Variants in LTBP1 observed in about 807,000 individuals in gnomAD.
The protein encoded by LTBP1 is latent transforming growth factor beta binding protein 1.
In LTBP1, 129 loss-of-function variants were observed where a neutral mutation model predicts 207.6. The ratio of observed to expected loss-of-function variants is 0.62; its 90% CI spans 0.54 to 0.72. LTBP1 has a LOEUF of 0.72. LTBP1 is among the 30% of genes least tolerant of loss of function. The pLI is 0.00. For synonymous variants in LTBP1, 963 were observed against 833.7 expected (o/e 1.16, Z -2.67); for missense variants, 2,281 against 2,217.2 (o/e 1.03, Z -0.58).
At chr2:33,247,426 A>C (rs879657900) in intron 10 of LTBP1, among the ~76,000 whole-genome samples, 1 of 152,228 alleles carries the variant, frequency 6.6e-6, no homozygotes, top group African/African-American at 2.4e-5. Context: ...TTAGGGTTCT[A>C]GATCAGGAGT....
At position 33,001,708 on chromosome 2, in the gene LTBP1, A is replaced by G. The variant is rs150910506; in HGVS notation, c.566-19201A>G. The stretch of plus-strand genomic sequence containing the variant: ...TCTGCAGGACAGTGCATTGCATAGT[A>G]TGGTCCCCGTGCTGCTCATCGTATA... On this transcript the variant is annotated intron_variant, in intron 2 of 33. Coordinates refer to ENST00000404816, the MANE Select transcript of LTBP1 (RefSeq NM_206943.4). Among the ~76,000 whole-genome samples the G allele has an allele frequency of 1.5e-3, 205 of 134,682 alleles. 44 individuals carry two copies. The South Asian group carries it at 0.025, about 16-fold the overall frequency. The allele number at this position is 134,682 out of a possible 152,430, so 88.4% of individuals were successfully genotyped here.
chr2:33,052,860 A>G (rs1346095166), intron 3 of LTBP1, among the ~76,000 whole-genome samples: 1 of 144,322 alleles, frequency 6.9e-6, no homozygotes, highest in African/African-American at 2.5e-5. Flanking sequence ...CCGGATCAAA[A>G]TATAGTTTTT....
intron 19 of LTBP1, 91 bp from the exon 20 acceptor site, chr2:33,293,069 T>A (rs1211759249): frequency 1.5e-6 from 2 of 1,320,936 alleles, no homozygotes; most frequent in Non-Finnish European, 2.1e-6. Flanking sequence ...CTTCTGAAGG[T>A]CTACTGTTTC....
At chr2:33,240,787 A>G (rs1239384617) in intron 9 of LTBP1, among the ~76,000 whole-genome samples, 3 of 150,888 alleles carry the variant, frequency 2.0e-5, no homozygotes, top group African/African-American at 7.3e-5. Flanking sequence ...AGTAGCTGGG[A>G]CTGCAGGCAC....
At chr2:33,189,824 G>A (rs936923799) in intron 7 of LTBP1, among the ~76,000 whole-genome samples, 2 of 151,900 alleles carry the variant, frequency 1.3e-5, no homozygotes, top group African/African-American at 2.4e-5. Flanking sequence ...TCAGGAGTTC[G>A]AGACCAGCCT....
chr2:33,354,725 CA>C (rs11291608), intron 26 of LTBP1, among the ~76,000 whole-genome samples: 8,697 of 135,476 alleles, frequency 0.064, 294 homozygotes, highest in Non-Finnish European at 0.085. Context: ...CACACACACA[CA>C]CACCATTGTA....
intron 5 of LTBP1, among the ~76,000 whole-genome samples, chr2:33,180,359 G>A (rs140395622): frequency 6.6e-6 from 1 of 152,196 alleles, no homozygotes; most frequent in African/African-American, 2.4e-5. Context: ...GAAGGTAACT[G>A]TCTTCTTGGA....
intron 32 of LTBP1, among the ~76,000 whole-genome samples, chr2:33,396,470 C>T (rs1201581855): frequency 6.6e-6 from 1 of 152,218 alleles, no homozygotes; most frequent in Non-Finnish European, 1.5e-5. Flanking sequence ...GATCTGCCCG[C>T]CTCAGCCTCC....
intron 31 of LTBP1, among the ~76,000 whole-genome samples, chr2:33,382,488 C>T (rs2095227787): frequency 6.6e-6 from 1 of 152,110 alleles, no homozygotes; most frequent in South Asian, 2.1e-4. Flanking sequence ...CTCCTGGCTA[C>T]AGATGGTGTT....
At chr2:33,030,005 A>G (rs905331022) in intron 3 of LTBP1, among the ~76,000 whole-genome samples, 9 of 152,188 alleles carry the variant, frequency 5.9e-5, no homozygotes, top group Non-Finnish European at 1.0e-4. Flanking sequence ...TGTCTACTGT[A>G]GACACAGAAT....
In LTBP1 at chr2:33,021,824, A is replaced by G. The variant is rs556669831; in HGVS notation, c.863+618A>G. ...TTCTTAGTGTTAGGAAGTAAGTGCTATTCTGAACAAAATGAGAACTCAGAG... is the reference window on the plus strand; with the variant it reads ...TTCTTAGTGTTAGGAAGTAAGTGCTGTTCTGAACAAAATGAGAACTCAGAG... On this transcript the variant is annotated intron_variant, in intron 3 of 33. Transcript: ENST00000404816. 8.7e-4 allele frequency among the ~76,000 whole-genome samples: 133 copies of G among 152,162 alleles called. 1 individual carries two copies. Among genetic ancestry groups the G allele is most frequent in the African/African-American group, 3.1e-3 (130 of 41,534 alleles).
intron 2 of LTBP1, among the ~76,000 whole-genome samples, chr2:33,013,715 C>T (rs918594442): frequency 2.0e-5 from 3 of 152,044 alleles, no homozygotes; most frequent in Admixed American, 6.6e-5. Context: ...CAACTATTGA[C>T]GGTATTGGGA....
chr2:33,112,178 A>G (rs2150280172), intron 4 of LTBP1, among the ~76,000 whole-genome samples: 1 of 152,346 alleles, frequency 6.6e-6, no homozygotes, highest in East Asian at 1.9e-4. Flanking sequence ...ATCTGGAGGT[A>G]TCAGGAAAAG....
chr2:33,080,271 G>A (rs552354120), intron 3 of LTBP1, among the ~76,000 whole-genome samples: 2 of 152,194 alleles, frequency 1.3e-5, no homozygotes, highest in African/African-American at 4.8e-5. Flanking sequence ...CAAGTGATCT[G>A]CCTGCCTTGG....
Position 33,217,623 on chromosome 2 carries a change from T to C in LTBP1, c.1773T>C (p.Phe591=). The C allele has an allele frequency of 1.2e-6, 2 of 1,613,790 alleles. No individual in the cohort carries two copies. Among genetic ancestry groups the C allele is most frequent in the Non-Finnish European group, 1.7e-6 (2 of 1,179,798 alleles). Residue 591 remains phenylalanine, a synonymous_variant, in exon 8 of 34, where the codon TTT becomes TTC. Transcript: ENST00000404816. ...CCGTVGTSWG[F]NKCQKCPKKP... is the part of the protein sequence containing the mutation. ...GAACTGTGGGTACCTCCTGGGGCTT[T>C]AACAAATGCCAGAAATGCCCCAAGA...
At chr2:33,154,625 G>A (rs1198981500) in intron 5 of LTBP1, among the ~76,000 whole-genome samples, 3 of 152,098 alleles carry the variant, frequency 2.0e-5, no homozygotes, top group Admixed American at 2.0e-4. Flanking sequence ...TACTTTTGCT[G>A]TTATCATCCA....
At chr2:33,254,861 T>G (rs1300824845) in intron 11 of LTBP1, among the ~76,000 whole-genome samples, 5 of 103,178 alleles carry the variant, frequency 4.8e-5, no homozygotes, top group African/African-American at 8.6e-5. Flanking sequence ...GGTTTTTTTT[T>G]TTTTTTTTTT....
chr2:33,331,403 A>G (rs761243650), intron 24 of LTBP1, among the ~76,000 whole-genome samples: 49 of 151,842 alleles, frequency 3.2e-4, no homozygotes, highest in Middle Eastern at 3.4e-3. Context: ...ATAAGTTTTG[A>G]TATGTTGTAT....
chr2:33,239,799 G>A (rs914939365), intron 9 of LTBP1, among the ~76,000 whole-genome samples: 17 of 151,882 alleles, frequency 1.1e-4, no homozygotes, highest in Middle Eastern at 3.2e-3. Context: ...AACTACTCAG[G>A]AGGCTGAGGC....
Sources: allele counts gnomAD v4.1 joint callset (sites outside exome capture counted in the v4.1 genomes callset), GRCh38; gene constraint gnomAD v4.1.1; transcripts MANE v1.5; gene names NCBI Gene and HGNC (gene_info 2026-07-23, HGNC 2026-07-21).